Variants in NRG1 observed in about 807,000 individuals in gnomAD.
The protein encoded by NRG1 is pro-neuregulin-1, membrane-bound isoform.
NRG1 carries 18 observed loss-of-function variants against 63.8 expected under a neutral mutation model. The observed-to-expected ratio is 0.28, with a 90% CI of 0.19 to 0.42. NRG1 has a LOEUF of 0.42. NRG1 is among the 10% of genes least tolerant of loss of function. NRG1 has a pLI of 1.00. For synonymous variants in NRG1, 302 were observed against 301.3 expected (o/e 1.00, Z -0.02); for missense variants, 762 against 814.7 (o/e 0.94, Z 0.79).
intron 1 of NRG1, among the ~76,000 whole-genome samples, chr8:31,966,061 C>T (rs1008282032): frequency 6.6e-6 from 1 of 151,818 alleles, no homozygotes; most frequent in Non-Finnish European, 1.5e-5. Flanking sequence ...TTCACCATTA[C>T]ACAATACACC....
intron 5 of NRG1, among the ~76,000 whole-genome samples, chr8:32,656,704 C>T (rs1019299924): frequency 2.6e-5 from 4 of 152,130 alleles, no homozygotes; most frequent in African/African-American, 9.7e-5. Flanking sequence ...TAAATCAATA[C>T]TGGAGCAATG....
At chr8:32,105,632 T>A (rs901071122) in intron 1 of NRG1, among the ~76,000 whole-genome samples, 2 of 151,930 alleles carry the variant, frequency 1.3e-5, no homozygotes, top group African/African-American at 4.8e-5. Context: ...AGTTGAATAG[T>A]TTTTTTTAAA....
chr8:31,973,410 C>T (rs1807625391), intron 1 of NRG1, among the ~76,000 whole-genome samples: 1 of 152,112 alleles, frequency 6.6e-6, no homozygotes, highest in Non-Finnish European at 1.5e-5. Context: ...TTATTGAGCA[C>T]CTACCATATG....
chr8:32,740,190 C>CTTT (rs35219061), intron 6 of NRG1, among the ~76,000 whole-genome samples: 2,400 of 92,184 alleles, frequency 0.026, 45 homozygotes, highest in African/African-American at 0.03. Context: ...GACCCAACCT[C>CTTT]TTTTTTTTTT....
intron 5 of NRG1, among the ~76,000 whole-genome samples, chr8:32,623,136 G>GA (rs1474678987): frequency 6.6e-6 from 1 of 152,208 alleles, no homozygotes; most frequent in Non-Finnish European, 1.5e-5. Context: ...TGAAGGAAAA[G>GA]AATGTCTTTG....
At chr8:32,248,996 G>C (rs1178490540) in intron 1 of NRG1, among the ~76,000 whole-genome samples, 1 of 152,042 alleles carries the variant, frequency 6.6e-6, no homozygotes, top group Non-Finnish European at 1.5e-5. Flanking sequence ...TACAGTAAAA[G>C]TGTTTAAGGC....
chr8:32,581,018 A>G (rs781512181), intron 1 of NRG1, among the ~76,000 whole-genome samples: 13 of 152,184 alleles, frequency 8.5e-5, no homozygotes, highest in Non-Finnish European at 1.8e-4. Context: ...AAGAGGAAGG[A>G]TTTATTTTAC....
rs1586333911 is a variant in NRG1, at chr8:31,994,035, T to G, written c.37+354604T>G. Among the ~76,000 whole-genome samples, 4 of 152,142 alleles carry G rather than the reference T, an allele frequency of 2.6e-5. No individual in the cohort carries two copies. In the South Asian group the frequency reaches 8.3e-4, roughly 32 times the overall value. On this transcript the variant is annotated intron_variant, in intron 1 of 10. Coordinates refer to the NRG1 transcript ENST00000519301. ...TCAGTACTGATAGGATGGGTCAATT[T>G]TGGCAGGGTCTAGTTGCCATCTTAA...
chr8:31,943,727 A>G (rs1802115473), intron 1 of NRG1, among the ~76,000 whole-genome samples: 1 of 152,128 alleles, frequency 6.6e-6, no homozygotes, highest in African/African-American at 2.4e-5. Context: ...TCAGCTAACT[A>G]GATTCCATGA....
In NRG1 at chr8:32,030,993, C is replaced by T. The variant is rs118149077; in HGVS notation, c.37+391562C>T. Among the ~76,000 whole-genome samples, 104 of 152,288 alleles carry T rather than the reference C, an allele frequency of 6.8e-4. No individual in the cohort carries two copies. In the East Asian group the frequency reaches 0.018, roughly 27 times the overall value. The stretch of plus-strand genomic sequence containing the variant: ...TGGTAGGATCAGTTATTTTGTGTTA[C>T]TGCATTGCCCCTCTAGCGGGATCAT... On this transcript the variant is annotated intron_variant, in intron 1 of 10. Coordinates refer to the NRG1 transcript ENST00000519301.
At chr8:32,748,611 C>T (rs1828036412) in intron 7 of NRG1, 1 of 433,268 alleles carries the variant, frequency 2.3e-6, no homozygotes, top group Admixed American at 2.6e-5. Context: ...TGGCTCTTGG[C>T]TCATACCTTT....
At chr8:31,651,727 T>TATTG (rs1265998586) in intron 1 of NRG1, among the ~76,000 whole-genome samples, 1 of 152,092 alleles carries the variant, frequency 6.6e-6, no homozygotes, top group African/African-American at 2.4e-5. Flanking sequence ...CATGAAGAGG[T>TATTG]ATTGGCAGCT....
intron 1 of NRG1, among the ~76,000 whole-genome samples, chr8:32,408,590 T>C (rs1370966977): frequency 1.5e-5 from 2 of 135,966 alleles, no homozygotes; most frequent in Non-Finnish European, 3.3e-5. Context: ...CTCCAAAAAC[T>C]GCAAAAAGAT....
chr8:32,654,381 C>T (rs1471782121), intron 5 of NRG1, among the ~76,000 whole-genome samples: 1 of 152,160 alleles, frequency 6.6e-6, no homozygotes, highest in African/African-American at 2.4e-5. Context: ...GTAATCCCAG[C>T]ATTTTGGGAG....
At chr8:32,038,041 T>G (rs1038264362) in intron 1 of NRG1, among the ~76,000 whole-genome samples, 1 of 152,238 alleles carries the variant, frequency 6.6e-6, no homozygotes, top group African/African-American at 2.4e-5. Context: ...AAAACTCTTA[T>G]GTCTCAGTGT....
At chr8:32,415,900 C>A (rs1256197094) in intron 1 of NRG1, among the ~76,000 whole-genome samples, 1 of 152,194 alleles carries the variant, frequency 6.6e-6, no homozygotes, top group Admixed American at 6.6e-5. Context: ...ACAAACCTTA[C>A]TGCTTAGTTT....
intron 5 of NRG1, among the ~76,000 whole-genome samples, chr8:32,687,738 T>C (rs989204181): frequency 6.6e-6 from 1 of 152,182 alleles, no homozygotes; most frequent in South Asian, 2.1e-4. Context: ...AATATAATCA[T>C]AACTGTAGTC....
At chr8:32,512,764 C>T (rs569781089) in intron 1 of NRG1, among the ~76,000 whole-genome samples, 15 of 152,142 alleles carry the variant, frequency 9.9e-5, no homozygotes, top group South Asian at 6.2e-4. Context: ...GGATGCTTTA[C>T]GTAGGAGGTG....
At chr8:32,081,935 C>T (rs1484054645) in intron 1 of NRG1, among the ~76,000 whole-genome samples, 2 of 152,134 alleles carry the variant, frequency 1.3e-5, no homozygotes, top group East Asian at 3.9e-4. Context: ...AGTCTTAAAG[C>T]CTCTGGCCAA....
Sources: allele counts gnomAD v4.1 joint callset (sites outside exome capture counted in the v4.1 genomes callset), GRCh38; gene constraint gnomAD v4.1.1; transcripts MANE v1.5; gene names NCBI Gene and HGNC (gene_info 2026-07-23, HGNC 2026-07-21).